Variants in KCNN2 observed in about 807,000 individuals in gnomAD.
KCNN2 encodes small conductance calcium-activated potassium channel protein 2.
A neutral mutation model predicts 55.5 loss-of-function variants in KCNN2; 24 were observed. The ratio of observed to expected loss-of-function variants is 0.43; its 90% confidence interval spans 0.31 to 0.61. The LOEUF is 0.61. KCNN2 is among the 20% of genes least tolerant of loss of function. KCNN2 has a pLI of 0.08. For missense variants in KCNN2, 754 were observed against 853.6 expected, an observed-to-expected ratio of 0.88 and a Z score of 1.45; for synonymous variants, 431 against 336.1, an observed-to-expected ratio of 1.28 and a Z score of -3.09.
At chr5:114,490,613 T>C (rs1747799733) in intron 6 of KCNN2, 2 of 397,378 alleles carry the variant, frequency 5.0e-6, no homozygotes, top group South Asian at 1.3e-4. Flanking sequence ...GAACACCACA[T>C]TGTGTTATTT....
At chr5:114,424,754 C>A (rs1159657794) in intron 3 of KCNN2, among the ~76,000 whole-genome samples, 2 of 152,162 alleles carry the variant, frequency 1.3e-5, no homozygotes, top group Admixed American at 1.3e-4. Context: ...GTGACCCAGA[C>A]AGAGGCCAGA....
At chr5:114,386,608 A>T (rs1276618018) in intron 2 of KCNN2, among the ~76,000 whole-genome samples, 1 of 152,200 alleles carries the variant, frequency 6.6e-6, no homozygotes, top group Non-Finnish European at 1.5e-5. Flanking sequence ...GTTTGAATTT[A>T]ATGTGATACA....
Position 114,136,956 on chromosome 5 carries a change from G to T in KCNN2, c.-271+80456G>T, listed in dbSNP as rs1350902079. Among the ~76,000 whole-genome samples the T allele has an allele frequency of 2.0e-5, 3 of 152,282 alleles. No individual in the cohort carries two copies. In the East Asian group the frequency reaches 5.8e-4, roughly 29 times the overall value. The stretch of plus-strand genomic sequence containing the variant: ...AGTCACACAGCTAAAAAGCATAACA[G>T]CCGTGTTTGACTCAGGGAGCCTGAG... On this transcript the variant is annotated intron_variant, in intron 1 of 10. Transcript: ENST00000512097.
At position 114,264,371 on chromosome 5, in the gene KCNN2, G is replaced by A. The variant is rs947696877; in HGVS notation, c.-185+42806G>A. ...TCCATGGCATTCTGCTTGTACAAGT[G>A]GAAAAATCAGGTAAATTACAGAAAT... On this transcript the variant is annotated intron_variant, in intron 2 of 10. Transcript: ENST00000512097. 3.3e-5 allele frequency among the ~76,000 whole-genome samples: 5 copies of A among 151,904 alleles called. No individual in the cohort carries two copies. The East Asian group carries it at 9.7e-4, about 29-fold the overall frequency.
chr5:114,355,739 T>C (rs938083914), intron 2 of KCNN2, among the ~76,000 whole-genome samples: 13 of 152,112 alleles, frequency 8.5e-5, no homozygotes, highest in Non-Finnish European at 1.5e-5. Context: ...TTGAGCCTGC[T>C]CCTCCTCCCT....
chr5:114,127,011 G>C (rs1410837337), intron 1 of KCNN2, among the ~76,000 whole-genome samples: 2 of 152,226 alleles, frequency 1.3e-5, no homozygotes, highest in East Asian at 1.9e-4. Context: ...GCTGATGCAA[G>C]AGATGGGCTC....
intron 1 of KCNN2, among the ~76,000 whole-genome samples, chr5:114,196,126 T>C (rs1753551654): frequency 6.6e-6 from 1 of 152,112 alleles, no homozygotes; most frequent in African/African-American, 2.4e-5. Context: ...ATTGTGATCA[T>C]AGTTTTTGCC....
chr5:114,217,423 T>A (rs6891961), intron 1 of KCNN2, among the ~76,000 whole-genome samples: 132,394 of 152,042 alleles, frequency 0.87, 57,732 homozygotes, highest in East Asian at 0.94. Context: ...CATACCAGAA[T>A]GTCCAGGGGA....
intron 2 of KCNN2, among the ~76,000 whole-genome samples, chr5:114,389,327 G>C (rs1484669693): frequency 6.6e-6 from 1 of 152,096 alleles, no homozygotes; most frequent in Non-Finnish European, 1.5e-5. Flanking sequence ...TTCCTGAAAA[G>C]ATTTTATACC....
chr5:114,130,746 T>C (rs554362414), intron 1 of KCNN2, among the ~76,000 whole-genome samples: 1 of 152,284 alleles, frequency 6.6e-6, no homozygotes, highest in Admixed American at 6.5e-5. Context: ...CCAACACTAA[T>C]ATAATCCATG....
intron 2 of KCNN2, among the ~76,000 whole-genome samples, chr5:114,239,274 G>A (rs1298529527): frequency 6.6e-6 from 1 of 152,006 alleles, no homozygotes; most frequent in South Asian, 2.1e-4. Context: ...TGACATCAGG[G>A]GATATATTTC....
intron 1 of KCNN2, among the ~76,000 whole-genome samples, chr5:114,150,828 C>A (rs1201792361): frequency 6.6e-6 from 1 of 152,148 alleles, no homozygotes; most frequent in Non-Finnish European, 1.5e-5. Flanking sequence ...TCAAGACCAG[C>A]CTGACCAACA....
At chr5:114,108,096 T>G (rs1353833547) in intron 1 of KCNN2, among the ~76,000 whole-genome samples, 1 of 142,688 alleles carries the variant, frequency 7.0e-6, no homozygotes, top group Non-Finnish European at 1.5e-5. Flanking sequence ...TTTCTATCTT[T>G]ATTTTCTTTT....
chr5:114,175,908 T>G (rs1753123237), intron 1 of KCNN2, among the ~76,000 whole-genome samples: 1 of 152,218 alleles, frequency 6.6e-6, no homozygotes, highest in Admixed American at 6.5e-5. Flanking sequence ...AAGCTTTATC[T>G]CCTGAAAACA....
At chr5:114,313,912 T>C (rs944893704) in intron 2 of KCNN2, among the ~76,000 whole-genome samples, 1 of 152,190 alleles carries the variant, frequency 6.6e-6, no homozygotes, top group African/African-American at 2.4e-5. Flanking sequence ...TTTTTGCTTC[T>C]TCTAAAATCA....
At chr5:114,104,366 CA>C (rs1176422493) in intron 1 of KCNN2, among the ~76,000 whole-genome samples, 1 of 151,944 alleles carries the variant, frequency 6.6e-6, no homozygotes, top group Non-Finnish European at 1.5e-5. Flanking sequence ...TTAATCTTTT[CA>C]AAAAACCTCC....
chr5:114,196,944 G>A (rs1383569442), intron 1 of KCNN2, among the ~76,000 whole-genome samples: 1 of 151,844 alleles, frequency 6.6e-6, no homozygotes, highest in Non-Finnish European at 1.5e-5. Flanking sequence ...GTTATTGATT[G>A]AGATCTTTCT....
intron 3 of KCNN2, among the ~76,000 whole-genome samples, chr5:114,440,264 T>C (rs1002857055): frequency 6.6e-6 from 1 of 152,196 alleles, no homozygotes; most frequent in Non-Finnish European, 1.5e-5. Context: ...AGCTGGAATA[T>C]ACTGCCTATT....
chr5:114,166,431 G>C (rs1561506093), intron 1 of KCNN2, among the ~76,000 whole-genome samples: 1 of 152,142 alleles, frequency 6.6e-6, no homozygotes, highest in East Asian at 1.9e-4. Context: ...CTCTCATTTA[G>C]AGTGGCCTTT....
Sources: gnomAD v4.1 joint callset for allele counts (sites outside exome capture counted in the v4.1 genomes callset) on GRCh38, gnomAD v4.1.1 for gene constraint, MANE v1.5 for transcripts, NCBI Gene and HGNC (gene_info 2026-07-23, HGNC 2026-07-21) for gene names.